Variants in MYO1H observed in about 807,000 individuals in gnomAD.
MYO1H encodes the protein unconventional myosin-Ih.
A neutral mutation model predicts 149.3 loss-of-function variants in MYO1H; 118 were observed. The observed-to-expected ratio is 0.79, with a 90% CI of 0.68 to 0.92. MYO1H has a LOEUF of 0.92. Among genes scored for constraint, MYO1H ranks in the 40% least tolerant of loss-of-function variants. The pLI, the probability that MYO1H is intolerant of heterozygous loss-of-function variation, is 0.00. For missense variants in MYO1H, 1,212 were observed against 1,280.7 expected (o/e 0.95, Z 0.82); for synonymous variants, 447 against 465.2 (o/e 0.96, Z 0.50).
rs771075164 is a variant in MYO1H at position 109,401,190 on chromosome 12, A to C, written c.668A>C (p.Gln223Pro). The change falls in exon 6 of 32, where the codon CAG becomes CCG. Residue 223 changes from glutamine (Q) to proline (P), a missense_variant. Physicochemically the swap from Gln to Pro is moderately conservative, Grantham distance 76. Coordinates refer to ENST00000310903, the Ensembl canonical transcript of MYO1H. Reference sequence around the variant, plus strand: ...GAGCGGAATTTCCACATCTTCTACCAGCTGCTGGCAGGTGGCGAAGAGGAG... The same window carrying C: ...GAGCGGAATTTCCACATCTTCTACCCGCTGCTGGCAGGTGGCGAAGAGGAG... 1.1e-4 allele frequency: 184 copies of C among 1,613,778 alleles called. 1 individual carries two copies. Among genetic ancestry groups the C allele is most frequent in the Non-Finnish European group, 1.4e-4 (170 of 1,179,854 alleles).
intron 1 of MYO1H, among the ~76,000 whole-genome samples, chr12:109,380,306 C>T (rs1031220750): frequency 1.3e-5 from 2 of 152,050 alleles, no homozygotes; most frequent in Non-Finnish European, 2.9e-5. Context: ...TCCTTGGCAT[C>T]ATTAAATATT....
chr12:109,382,882 AAAT>A (rs1283474842), intron 1 of MYO1H, among the ~76,000 whole-genome samples: 6 of 148,236 alleles, frequency 4.0e-5, no homozygotes, highest in African/African-American at 9.8e-5. Context: ...ATATGAATTA[AAAT>A]AATGATATAT....
At chr12:109,435,214 G>A in intron 21 of MYO1H, 101 bp downstream of exon 21, 1 of 724,772 alleles carries the variant, frequency 1.4e-6, no homozygotes, top group East Asian at 2.7e-5. Flanking sequence ...AGTGTTAGAA[G>A]CATTCGCTTT....
chr12:109,351,006 T>C (rs1236124192), intron 1 of MYO1H, among the ~76,000 whole-genome samples: 1 of 152,184 alleles, frequency 6.6e-6, no homozygotes, highest in Non-Finnish European at 1.5e-5. Flanking sequence ...CAGTAATTAT[T>C]TTTACCCTGA....
At chr12:109,420,716 A>G (rs1358523456) in intron 15 of MYO1H, among the ~76,000 whole-genome samples, 1 of 152,068 alleles carries the variant, frequency 6.6e-6, no homozygotes, top group East Asian at 1.9e-4. Flanking sequence ...CTAGAAATAC[A>G]TTTGGTTGTC....
At chr12:109,414,510 CAAG>C (rs1870820211) in intron 14 of MYO1H, among the ~76,000 whole-genome samples, 1 of 146,448 alleles carries the variant, frequency 6.8e-6, no homozygotes, top group African/African-American at 2.5e-5. Context: ...AAAAAAAAAT[CAAG>C]AATCTGTAGA....
chr12:109,395,877 T>C (rs1191024193), intron 3 of MYO1H, among the ~76,000 whole-genome samples: 1 of 138,770 alleles, frequency 7.2e-6, no homozygotes, highest in Non-Finnish European at 1.6e-5. Flanking sequence ...TTGGGTTTTT[T>C]TGTTTTGTTT....
intron 5 of MYO1H, among the ~76,000 whole-genome samples, chr12:109,398,065 A>G (rs1373320196): frequency 6.6e-6 from 1 of 152,250 alleles, no homozygotes; most frequent in Non-Finnish European, 1.5e-5. Context: ...ATCATAAGGA[A>G]TTCTTACACA....
intron 27 of MYO1H, among the ~76,000 whole-genome samples, chr12:109,443,254 A>ATGTGTACGTATATGTGTGTGTATG (rs1872300718): frequency 6.7e-6 from 1 of 148,582 alleles, no homozygotes; most frequent in Non-Finnish European, 1.5e-5. Context: ...GTGTGTGTAT[A>ATGTGTACGTATATGTGTGTGTATG]TGTGTACGTA....
rs765312939 is a variant in MYO1H, at chr12:109,405,907, T to C, written c.850-15T>C. On this transcript the variant is annotated splice_polypyrimidine_tract_variant and intron_variant, in intron 7 of 31. Coordinates refer to ENST00000310903, the Ensembl canonical transcript of MYO1H. ...GTCCTGATCTCCTGTCTCTGAACAC[T>C]TCCCATGTTCCTAGAATCTCTTTGG... is the stretch of plus-strand genomic sequence containing the variant. 7.0e-6 allele frequency: 11 copies of C among 1,568,272 alleles called. No homozygotes were observed. Among genetic ancestry groups the C allele is most frequent in the Middle Eastern group, 1.7e-4 (1 of 5,970 alleles).
chr12:109,440,696 G>C (rs1055624502), intron 24 of MYO1H, 48 bp from the exon 25 acceptor site: 7 of 1,383,236 alleles, frequency 5.1e-6, no homozygotes, highest in African/African-American at 1.4e-5. Flanking sequence ...CACAGCCCCA[G>C]ACAGGGAGTG....
At chr12:109,441,766 GT>G (rs1475333023) in intron 26 of MYO1H, 58 bp downstream of exon 26, 12 of 1,223,560 alleles carry the variant, frequency 9.8e-6, no homozygotes, top group African/African-American at 1.5e-5. Flanking sequence ...GAGTTAAAGG[GT>G]GGGGTGCGGT....
At chr12:109,432,818 G>A (rs1871689868) in intron 19 of MYO1H, 79 bp from the exon 20 acceptor site, 2 of 1,179,026 alleles carry the variant, frequency 1.7e-6, no homozygotes, top group Non-Finnish European at 2.5e-6. Flanking sequence ...GTGCTCAGCA[G>A]GCCTCTGGGG....
upstream of MYO1H, among the ~76,000 whole-genome samples, chr12:109,343,747 AAG>A (rs2048093862): frequency 6.6e-6 from 1 of 152,198 alleles, no homozygotes; most frequent in African/African-American, 2.4e-5. Flanking sequence ...GAATGACTGA[AAG>A]AACATAGAAG....
chr12:109,369,569 A>AC (rs1339404155), intron 1 of MYO1H, among the ~76,000 whole-genome samples: 1 of 152,024 alleles, frequency 6.6e-6, no homozygotes, highest in African/African-American at 2.4e-5. Context: ...TCTCACACAC[A>AC]CCCCCATAGA....
At chr12:109,374,063 TG>T (rs1481819735) in intron 1 of MYO1H, among the ~76,000 whole-genome samples, 1 of 152,374 alleles carries the variant, frequency 6.6e-6, no homozygotes, top group East Asian at 1.9e-4. Flanking sequence ...TATACTCTTA[TG>T]TGACTGGCTT....
chr12:109,333,656 G>A, the MYO1H span, among the ~76,000 whole-genome samples: 6 of 152,090 alleles, frequency 3.9e-5, no homozygotes, highest in Non-Finnish European at 7.3e-5. Flanking sequence ...CCTGACTTGC[G>A]ATCCTTCAAC....
At chr12:109,365,844 G>A (rs1343889988) in intron 1 of MYO1H, among the ~76,000 whole-genome samples, 3 of 152,050 alleles carry the variant, frequency 2.0e-5, no homozygotes, top group Middle Eastern at 3.2e-3. Flanking sequence ...GACTGGTACC[G>A]GTCCGTGGCC....
intron 1 of MYO1H, among the ~76,000 whole-genome samples, chr12:109,350,461 G>T (rs1868441166): frequency 6.6e-6 from 1 of 152,128 alleles, no homozygotes; most frequent in Admixed American, 6.5e-5. Context: ...CCTTCGCTTG[G>T]CTCTCATTCT....
Sources: gnomAD v4.1 joint callset for allele counts (sites outside exome capture counted in the v4.1 genomes callset) on GRCh38, gnomAD v4.1.1 for gene constraint, MANE v1.5 for transcripts, NCBI Gene and HGNC (gene_info 2026-07-23, HGNC 2026-07-21) for gene names.